Variants in CRTAP observed in about 807,000 individuals in gnomAD.
The protein encoded by CRTAP is cartilage associated protein, also known as cartilage-associated protein.
A neutral mutation model predicts 42.7 loss-of-function variants in CRTAP; 33 were observed. The observed-to-expected ratio is 0.77, with a 90% CI of 0.59 to 1.03. CRTAP has a LOEUF of 1.03. Among genes scored for constraint, CRTAP ranks in the 50% least tolerant of loss-of-function variants. The pLI, the probability that CRTAP is intolerant of heterozygous loss-of-function variation, is 0.00. For missense variants in CRTAP, 613 were observed against 533.9 expected (o/e 1.15, Z -1.46); for synonymous variants, 243 against 217.7 (o/e 1.12, Z -1.02).
intron 1 of CRTAP, among the ~76,000 whole-genome samples, chr3:33,116,976 G>A (rs1310207589): frequency 6.6e-6 from 1 of 152,034 alleles, no homozygotes; most frequent in Non-Finnish European, 1.5e-5. Flanking sequence ...GTGTGGTGGC[G>A]TGCCTTTCTA....
chr3:33,131,393 C>G (rs1404484530), intron 4 of CRTAP, among the ~76,000 whole-genome samples: 1 of 152,124 alleles, frequency 6.6e-6, no homozygotes, highest in African/African-American at 2.4e-5. Flanking sequence ...TCTTCTAGCT[C>G]ACTGAGCATG....
chr3:33,146,257 T>G lies in CRTAP; in HGVS notation c.*3809T>G, dbSNP rs1218736424. The G allele has an allele frequency of 6.6e-6, 1 of 152,278 alleles. No individual in the cohort carries two copies. 9.4% of individuals were successfully genotyped at this position (152,278 alleles called of 1,614,324 possible). Reference sequence around the variant, plus strand: ...GGGAGCTTCCAGGCCTGCTCTAAGATGCCTTGCTTGTCCTTTGACCCATCA... The same window carrying G: ...GGGAGCTTCCAGGCCTGCTCTAAGAGGCCTTGCTTGTCCTTTGACCCATCA... On this transcript the variant is annotated 3_prime_UTR_variant, in exon 7 of 7. Transcript: ENST00000320954.
chr3:33,120,219 T>C (rs1045606486), intron 1 of CRTAP, 125 bp from the exon 2 acceptor site: 2 of 892,010 alleles, frequency 2.2e-6, no homozygotes, highest in African/African-American at 1.6e-5. Flanking sequence ...CTGGAAGTCA[T>C]GGAACCTTTA....
chr3:33,133,670 T>TTC (rs1169747959), intron 5 of CRTAP, among the ~76,000 whole-genome samples: 1 of 151,436 alleles, frequency 6.6e-6, no homozygotes, highest in Non-Finnish European at 1.5e-5. Context: ...TTTTGCAACT[T>TTC]TGTCTTTCTG....
intron 4 of CRTAP, among the ~76,000 whole-genome samples, chr3:33,131,112 T>C (rs895810693): frequency 1.3e-5 from 2 of 152,090 alleles, no homozygotes; most frequent in African/African-American, 4.8e-5. Context: ...AATGCCAGGG[T>C]CTAGCGGTGG....
At chr3:33,120,120 T>C (rs1372718515) in intron 1 of CRTAP, among the ~76,000 whole-genome samples, 3 of 152,038 alleles carry the variant, frequency 2.0e-5, no homozygotes, top group African/African-American at 4.8e-5. Flanking sequence ...GCAGAGTAGA[T>C]TGGGAAAGGC....
At chr3:33,120,121 T>A (rs973679564) in intron 1 of CRTAP, among the ~76,000 whole-genome samples, 1 of 152,132 alleles carries the variant, frequency 6.6e-6, no homozygotes, top group African/African-American at 2.4e-5. Context: ...CAGAGTAGAT[T>A]GGGAAAGGCA....
rs777614682 is a variant in CRTAP, at chr3:33,129,999, T to C, written c.854T>C (p.Ile285Thr). 6.8e-6 allele frequency: 11 copies of C among 1,613,400 alleles called. No homozygotes were observed. In the South Asian group the frequency reaches 9.9e-5, roughly 14 times the overall value. Reference protein sequence around the residue: ...IQCEENLTPVIGGYPVEKFVA... With the variant: ...IQCEENLTPVTGGYPVEKFVA... ...TGTGAAGAGAACCTCACCCCAGTTA[T>C]AGGAGGCTATCCGGTTGAGAAATTT... The change falls in exon 4 of 7, where the codon ATA becomes ACA. Residue 285 changes from isoleucine (I) to threonine (T), a missense_variant. Physicochemically the swap from Ile to Thr is moderately conservative, Grantham distance 89. Transcript: ENST00000320954.
Position 33,142,859 on chromosome 3 carries a change from G to T in CRTAP, c.*411G>T, listed in dbSNP as rs953730709. 14 of 218,648 alleles carry T rather than the reference G, an allele frequency of 6.4e-5. No homozygotes were observed. The highest frequency in any genetic ancestry group is 1.0e-4 in the Non-Finnish European group (11 of 107,720). The allele number at this position is 218,648 out of a possible 1,614,324, so 13.5% of individuals were successfully genotyped here. On this transcript the variant is annotated 3_prime_UTR_variant, in exon 7 of 7. Coordinates refer to ENST00000320954, the MANE Select transcript of CRTAP (RefSeq NM_006371.5). ...AGTAGAGACGGGGTTTTGCCATGTT[G>T]GCCAGGCTGGTCTCGAACTCTTGAC...
At chr3:33,134,304 G>C (rs757486977) in intron 6 of CRTAP, 39 bp downstream of exon 6, 2 of 1,254,242 alleles carry the variant, frequency 1.6e-6, no homozygotes, top group Non-Finnish European at 2.3e-6. Flanking sequence ...GTGGCTACGA[G>C]AAAATATTAC....
Position 33,114,398 on chromosome 3 carries a change from C to G in CRTAP, c.321C>G (p.Arg107=). Residue 107 remains arginine, a synonymous_variant, in exon 1 of 7, where the codon CGC becomes CGG. Transcript: ENST00000320954. Reference sequence around the variant, plus strand: ...GCCTCGCCAGCTATCCCGAGCTGCGCCTCTTCGGGGGCCTGCTGCGCCGCG... The same window carrying G: ...GCCTCGCCAGCTATCCCGAGCTGCGGCTCTTCGGGGGCCTGCTGCGCCGCG... ...AAGLASYPEL[R]LFGGLLRRAH... is the part of the protein sequence containing the mutation. The G allele has an allele frequency of 6.5e-7, 1 of 1,537,630 alleles. No individual in the cohort carries two copies. The highest frequency in any genetic ancestry group is 1.2e-5 in the South Asian group (1 of 83,628).
chr3:33,130,094 G>T (rs111367661), intron 4 of CRTAP, 27 bp downstream of exon 4: 1 of 1,608,010 alleles, frequency 6.2e-7, no homozygotes. Flanking sequence ...GACATCTTGG[G>T]TGAGGCACTT....
chr3:33,117,643 T>G (rs1175917689), intron 1 of CRTAP, among the ~76,000 whole-genome samples: 1 of 152,238 alleles, frequency 6.6e-6, no homozygotes, highest in Non-Finnish European at 1.5e-5. Context: ...CTTGCCTGGC[T>G]GTGGCCTCTA....
intron 3 of CRTAP, among the ~76,000 whole-genome samples, chr3:33,125,942 T>A (rs1205013385): frequency 1.3e-5 from 2 of 152,194 alleles, no homozygotes; most frequent in Non-Finnish European, 1.5e-5. Flanking sequence ...ATGGGTTATC[T>A]CTTGAAAATT....
Position 33,132,678 on chromosome 3 carries a change from A to G in CRTAP, c.1046A>G (p.Asp349Gly). 1 of 1,614,076 alleles carries G rather than the reference A, an allele frequency of 6.2e-7. No homozygotes were observed. Among genetic ancestry groups the G allele is most frequent in the Non-Finnish European group, 8.5e-7 (1 of 1,179,966 alleles). Residue 349 changes from aspartate to glycine, a missense_variant, in exon 5 of 7, where the codon GAT becomes GGT. Physicochemically the swap from Asp to Gly is moderately conservative, Grantham distance 94. Transcript: ENST00000320954. ...QYHRDTWGLSDEHFQPRPEAV... is the reference protein window; with the variant it reads ...QYHRDTWGLSGEHFQPRPEAV... ...CACAGGGACACTTGGGGCCTCTCGGATGAGCACTTCCAGCCCAGACCTGTA... is the reference window on the plus strand; with the variant it reads ...CACAGGGACACTTGGGGCCTCTCGGGTGAGCACTTCCAGCCCAGACCTGTA...
At chr3:33,120,254 A>G in intron 1 of CRTAP, 90 bp from the exon 2 acceptor site, 1 of 1,193,450 alleles carries the variant, frequency 8.4e-7, no homozygotes, top group Non-Finnish European at 1.3e-6. Flanking sequence ...AGCAACACAA[A>G]GTTTCTGAAG....
chr3:33,135,527 G>C (rs2030394507), intron 6 of CRTAP, among the ~76,000 whole-genome samples: 2 of 152,012 alleles, frequency 1.3e-5, no homozygotes, highest in South Asian at 4.2e-4. Flanking sequence ...TACTTGGAAG[G>C]CTGAAGGAGT....
intron 6 of CRTAP, among the ~76,000 whole-genome samples, chr3:33,138,099 C>CT (rs61020489): frequency 0.044 from 6,541 of 147,578 alleles, 376 homozygotes; most frequent in African/African-American, 0.13. Flanking sequence ...ATTAATATAG[C>CT]TTTTTTTTTT....
chr3:33,141,489 C>T (rs928444068), intron 6 of CRTAP, among the ~76,000 whole-genome samples: 4 of 152,178 alleles, frequency 2.6e-5, no homozygotes, highest in Admixed American at 2.6e-4. Flanking sequence ...TCCAGTTATT[C>T]CCAAATGCTG....
Sources: gnomAD v4.1 joint callset for allele counts (sites outside exome capture counted in the v4.1 genomes callset) on GRCh38, gnomAD v4.1.1 for gene constraint, MANE v1.5 for transcripts, NCBI Gene and HGNC (gene_info 2026-07-23, HGNC 2026-07-21) for gene names.